The following CNKSR2 variants were observed in gnomAD, a reference collection of about 807,000 sequenced individuals.
CNKSR2 encodes CNK homolog protein 2.
CNKSR2 carries 14 observed loss-of-function variants against 84.4 expected under a neutral mutation model. That is an observed-to-expected ratio of 0.17 (90% confidence interval 0.11 to 0.26). CNKSR2 has a LOEUF of 0.26. Ranked by LOEUF, CNKSR2 falls within the 10% of genes least tolerant of loss-of-function variation. CNKSR2 has a pLI of 1.00. For synonymous variants in CNKSR2, 275 were observed against 277.9 expected (o/e 0.99, Z 0.10); for missense variants, 485 against 771.2 (o/e 0.63, Z 4.40).
intron 3 of CNKSR2, among the ~76,000 whole-genome samples, chrX:21,437,455 T>G (rs1288257463): frequency 2.0e-5 from 2 of 99,745 alleles, no homozygotes; most frequent in Non-Finnish European, 4.1e-5. Context: ...AGTCTCACTC[T>G]GTCGCCCAGC....
intron 17 of CNKSR2, among the ~76,000 whole-genome samples, chrX:21,598,773 A>G (rs764699528): frequency 5.3e-5 from 6 of 112,820 alleles, no homozygotes; most frequent in Admixed American, 2.8e-4. Flanking sequence ...TCACTAAGAT[A>G]TGGAAATCAT....
At chrX:21,519,990 A>G (rs951437013) in intron 9 of CNKSR2, among the ~76,000 whole-genome samples, 13 of 111,681 alleles carry the variant, frequency 1.2e-4, no homozygotes, top group African/African-American at 4.2e-4. Flanking sequence ...TTAAAGTAGT[A>G]GTTTTATTTC....
intron 4 of CNKSR2, among the ~76,000 whole-genome samples, chrX:21,465,169 A>G (rs1470936560): frequency 8.9e-6 from 1 of 111,857 alleles, no homozygotes; most frequent in African/African-American, 3.2e-5. Flanking sequence ...CTCCTTTTTA[A>G]TGGGATCTTT....
At chrX:21,534,966 C>A (rs12559266) in intron 11 of CNKSR2, among the ~76,000 whole-genome samples, 19 of 110,830 alleles carry the variant, frequency 1.7e-4, no homozygotes, top group Admixed American at 1.4e-3. Context: ...GACCAATGTC[C>A]TGAAGTATTT....
intron 8 of CNKSR2, among the ~76,000 whole-genome samples, chrX:21,502,752 A>T (rs2147068851): frequency 8.9e-6 from 1 of 111,881 alleles, no homozygotes; most frequent in Admixed American, 9.5e-5. Context: ...TTTCAAAATT[A>T]AATGCGTGGG....
intron 5 of CNKSR2, among the ~76,000 whole-genome samples, chrX:21,486,391 A>G (rs1347878150): frequency 8.9e-6 from 1 of 112,037 alleles, no homozygotes; most frequent in East Asian, 2.8e-4. Context: ...TATAACATCC[A>G]TCTAATGTAG....
At chrX:21,579,688 T>C (rs2147226908) in intron 13 of CNKSR2, among the ~76,000 whole-genome samples, 1 of 111,899 alleles carries the variant, frequency 8.9e-6, no homozygotes, top group Non-Finnish European at 1.9e-5. Flanking sequence ...TATATATTTT[T>C]ATAATTGGGT....
chrX:21,446,426 TAATTTTTGGC>T (rs1212944498), intron 4 of CNKSR2, among the ~76,000 whole-genome samples: 4 of 111,277 alleles, frequency 3.6e-5, no homozygotes, highest in Non-Finnish European at 7.6e-5. Context: ...ATTAAATACC[TAATTTTTGGC>T]AGCTGCATAT....
chrX:21,472,770 T>C (rs1269129762), intron 5 of CNKSR2, among the ~76,000 whole-genome samples: 1 of 111,353 alleles, frequency 9.0e-6, no homozygotes, highest in African/African-American at 3.3e-5. Flanking sequence ...TTCTACCATA[T>C]GACAGAATAA....
At chrX:21,572,556 G>T (rs111447851) in intron 13 of CNKSR2, among the ~76,000 whole-genome samples, 42 of 111,548 alleles carry the variant, frequency 3.8e-4, no homozygotes, top group Non-Finnish European at 7.0e-4. Context: ...GGAGGCCTCA[G>T]GAAACTTACA....
intron 5 of CNKSR2, among the ~76,000 whole-genome samples, chrX:21,473,768 A>G (rs1288260495): frequency 1.6e-5 from 1 of 63,776 alleles, no homozygotes; most frequent in Non-Finnish European, 2.3e-5. Flanking sequence ...TTTTTTTGAG[A>G]CAGAGTCTCG....
At chrX:21,485,772 A>G (rs1240051672) in intron 5 of CNKSR2, among the ~76,000 whole-genome samples, 1 of 111,870 alleles carries the variant, frequency 8.9e-6, no homozygotes, top group Non-Finnish European at 1.9e-5. Flanking sequence ...AAGGCATATC[A>G]TTTACTATTC....
chrX:21,383,859 T>A (rs1198362855), intron 1 of CNKSR2, among the ~76,000 whole-genome samples: 1 of 111,797 alleles, frequency 8.9e-6, no homozygotes, highest in Non-Finnish European at 1.9e-5. Context: ...GAATCTATTT[T>A]CTAGTAACTT....
At chrX:21,495,765 G>A (rs2091488646) in intron 6 of CNKSR2, 1 of 62,614 alleles carries the variant, frequency 1.6e-5, no homozygotes, top group South Asian at 1.4e-3. Context: ...CCTGGGGGAC[G>A]AAAGTGAAGC....
At chrX:21,634,266 A>C (rs928521616) in intron 20 of CNKSR2, among the ~76,000 whole-genome samples, 3 of 112,566 alleles carry the variant, frequency 2.7e-5, no homozygotes, top group African/African-American at 6.4e-5. Context: ...AACAAATTTG[A>C]CATAAAGAAA....
intron 20 of CNKSR2, chrX:21,645,710 G>C (rs2092704842): frequency 9.0e-6 from 1 of 111,022 alleles, no homozygotes; most frequent in Admixed American, 9.6e-5. Context: ...TCTAAAGGAA[G>C]AAAAAGCAAG....
intron 1 of CNKSR2, among the ~76,000 whole-genome samples, chrX:21,394,470 A>G (rs1034184227): frequency 1.8e-5 from 2 of 111,477 alleles, no homozygotes; most frequent in Admixed American, 1.9e-4. Context: ...TCTTCGAGTC[A>G]ATGTTTTTAC....
In CNKSR2 at chrX:21,504,986, C is replaced by T. The variant is rs140206490; in HGVS notation, c.810+3398C>T. On this transcript the variant is annotated intron_variant, in intron 8 of 21. Transcript: ENST00000379510. ...TTTTCCACTTCATCTGCCACTACAT[C>T]CCTCTCTCTGGGAGATACCTCGGCA... 2.9e-3 allele frequency: 815 copies of T among 280,000 alleles called. 2 individuals carry two copies. The highest frequency in any genetic ancestry group is 0.02 in the African/African-American group (717 of 36,138). The allele number at this position is 280,000 out of a possible 1,213,427, so 23.1% of individuals were successfully genotyped here.
At chrX:21,484,518 A>G (rs2091358852) in intron 5 of CNKSR2, among the ~76,000 whole-genome samples, 1 of 111,518 alleles carries the variant, frequency 9.0e-6, no homozygotes, top group Non-Finnish European at 1.9e-5. Flanking sequence ...CTTAAGATGT[A>G]TATCTATCTG....
Sources: gnomAD v4.1 joint callset for allele counts (sites outside exome capture counted in the v4.1 genomes callset) on GRCh38, gnomAD v4.1.1 for gene constraint, MANE v1.5 for transcripts, NCBI Gene and HGNC (gene_info 2026-07-23, HGNC 2026-07-21) for gene names.